ZNF804B: variants seen among roughly 807,000 people sequenced by gnomAD.
The protein encoded by ZNF804B is zinc finger 804B.
Under a neutral mutation model 101.4 loss-of-function variants are expected in ZNF804B, and 80 were observed. That is an observed-to-expected ratio of 0.79 (90% CI 0.66 to 0.95). ZNF804B has a LOEUF of 0.95. Ranked by LOEUF, ZNF804B falls within the 40% of genes least tolerant of loss-of-function variation. The pLI is 0.00. For synonymous variants in ZNF804B, 622 were observed against 558.8 expected (o/e 1.11, Z -1.59); for missense variants, 1,673 against 1,561.9 (o/e 1.07, Z -1.20).
intron 1 of ZNF804B, among the ~76,000 whole-genome samples, chr7:89,156,028 CTT>C (rs1246663637): frequency 4.9e-5 from 2 of 41,108 alleles, no homozygotes; most frequent in South Asian, 7.9e-4. Context: ...TCCTTTCTTT[CTT>C]TCTTTCTTTC....
At chr7:89,094,128 T>C (rs1179812190) in intron 1 of ZNF804B, among the ~76,000 whole-genome samples, 4 of 152,248 alleles carry the variant, frequency 2.6e-5, no homozygotes, top group Non-Finnish European at 5.9e-5. Flanking sequence ...ATGCGGCTAA[T>C]ATTTATTGCA....
At chr7:89,229,156 A>C (rs1260301085) in intron 2 of ZNF804B, among the ~76,000 whole-genome samples, 1 of 152,112 alleles carries the variant, frequency 6.6e-6, no homozygotes, top group African/African-American at 2.4e-5. Context: ...GGCCTTGGCC[A>C]GCCCAGGAAG....
chr7:89,004,571 G>A (rs1318287999), intron 1 of ZNF804B, among the ~76,000 whole-genome samples: 1 of 151,764 alleles, frequency 6.6e-6, no homozygotes, highest in Non-Finnish European at 1.5e-5. Context: ...TTATAGTGTG[G>A]TGACGGCATG....
At chr7:89,123,694 A>G (rs1268397674) in intron 1 of ZNF804B, among the ~76,000 whole-genome samples, 7 of 95,148 alleles carry the variant, frequency 7.4e-5, no homozygotes, top group Admixed American at 6.8e-4. Flanking sequence ...ATATTTTACT[A>G]TATAATTTAC....
At position 89,336,304 on chromosome 7, in the gene ZNF804B, A is replaced by T; in HGVS notation, c.3322A>T (p.Asn1108Tyr). ...LDLQDVSMHI[N>Y]HVEGNINSYY... ...CTTACAGGATGTAAGCATGCATATA[A>T]ATCATGTAGAGGGAAATATAAACTC... The change falls in exon 4 of 4, where the codon AAT (asparagine) becomes TAT (tyrosine). Residue 1108 changes from asparagine (N) to tyrosine (Y), a missense_variant. Coordinates refer to ENST00000333190, the MANE Select transcript of ZNF804B (RefSeq NM_181646.5). 1 of 1,613,910 alleles carries T rather than the reference A, an allele frequency of 6.2e-7. No individual in the cohort carries two copies.
intron 1 of ZNF804B, among the ~76,000 whole-genome samples, chr7:89,121,079 T>C (rs11768742): frequency 6.6e-6 from 1 of 152,082 alleles, no homozygotes; most frequent in Non-Finnish European, 1.5e-5. Context: ...GTTAACGAAC[T>C]GCCTGAGAGG....
At chr7:89,332,699 C>G (rs1791005125) in intron 3 of ZNF804B, among the ~76,000 whole-genome samples, 1 of 151,584 alleles carries the variant, frequency 6.6e-6, no homozygotes. Flanking sequence ...ACATATAATG[C>G]AGAAATGGTA....
intron 1 of ZNF804B, among the ~76,000 whole-genome samples, chr7:88,765,797 A>G (rs1434916225): frequency 1.3e-5 from 2 of 152,208 alleles, no homozygotes; most frequent in Non-Finnish European, 2.9e-5. Context: ...ATCTGGAGAG[A>G]GAAATTAAAT....
intron 1 of ZNF804B, among the ~76,000 whole-genome samples, chr7:88,983,481 A>T (rs1793719601): frequency 6.6e-6 from 1 of 152,008 alleles, no homozygotes; most frequent in South Asian, 2.1e-4. Flanking sequence ...TCACTCTTTG[A>T]AACCACCATG....
At chr7:89,189,682 T>C (rs1788426304) in intron 1 of ZNF804B, among the ~76,000 whole-genome samples, 1 of 152,166 alleles carries the variant, frequency 6.6e-6, no homozygotes, top group Non-Finnish European at 1.5e-5. Flanking sequence ...CTAGAGTGCA[T>C]ACAGCAAGCA....
intron 1 of ZNF804B, among the ~76,000 whole-genome samples, chr7:89,120,127 T>C (rs1790377962): frequency 6.6e-6 from 1 of 152,064 alleles, no homozygotes; most frequent in Admixed American, 6.6e-5. Context: ...CATTTAAAAA[T>C]GAAGACTTAA....
At chr7:88,845,235 G>T (rs1395834519) in intron 1 of ZNF804B, among the ~76,000 whole-genome samples, 2 of 151,798 alleles carry the variant, frequency 1.3e-5, no homozygotes, top group African/African-American at 4.8e-5. Flanking sequence ...AGGTAGAAAG[G>T]TATAAACAGA....
intron 1 of ZNF804B, among the ~76,000 whole-genome samples, chr7:88,906,805 C>T (rs1792476906): frequency 1.3e-5 from 2 of 151,924 alleles, no homozygotes; most frequent in South Asian, 4.1e-4. Context: ...TCTGCCTCAA[C>T]AATGTATATA....
At chr7:89,244,639 C>A (rs535252303) in intron 2 of ZNF804B, among the ~76,000 whole-genome samples, 1 of 152,154 alleles carries the variant, frequency 6.6e-6, no homozygotes, top group Admixed American at 6.5e-5. Context: ...TAAAAAACAG[C>A]TTCATAGCAC....
At chr7:88,824,937 A>G (rs1229218471) in intron 1 of ZNF804B, among the ~76,000 whole-genome samples, 3 of 152,186 alleles carry the variant, frequency 2.0e-5, no homozygotes, top group African/African-American at 7.2e-5. Context: ...GGAGAAGGCA[A>G]TCTTAATCAT....
At chr7:88,901,914 A>G (rs1792397160) in intron 1 of ZNF804B, among the ~76,000 whole-genome samples, 1 of 151,898 alleles carries the variant, frequency 6.6e-6, no homozygotes, top group African/African-American at 2.4e-5. Context: ...TAAAACCTAA[A>G]ATAACTTATT....
intron 1 of ZNF804B, among the ~76,000 whole-genome samples, chr7:89,135,146 T>C (rs1790612131): frequency 1.3e-5 from 2 of 152,146 alleles, no homozygotes; most frequent in African/African-American, 4.8e-5. Context: ...TCCATCACCA[T>C]TTCTTTTCCA....
At chr7:89,025,005 C>A (rs1414100091) in intron 1 of ZNF804B, among the ~76,000 whole-genome samples, 1 of 152,060 alleles carries the variant, frequency 6.6e-6, no homozygotes, top group African/African-American at 2.4e-5. Flanking sequence ...AGCCGTACAA[C>A]CCACATGACC....
intron 1 of ZNF804B, among the ~76,000 whole-genome samples, chr7:89,095,990 A>C (rs1207607439): frequency 6.6e-6 from 1 of 151,924 alleles, no homozygotes; most frequent in African/African-American, 2.4e-5. Context: ...TCTCTACTAA[A>C]AATATAAAAA....
Sources: allele counts gnomAD v4.1 joint callset (sites outside exome capture counted in the v4.1 genomes callset), GRCh38; gene constraint gnomAD v4.1.1; transcripts MANE v1.5; gene names NCBI Gene and HGNC (gene_info 2026-07-23, HGNC 2026-07-21).